The following CDH13 variants were observed in gnomAD, a reference collection of about 807,000 sequenced individuals.
The protein encoded by CDH13 is cadherin 13.
CDH13 carries 24 observed loss-of-function variants against 63.8 expected under a neutral mutation model. That is an observed-to-expected ratio of 0.38 (90% CI 0.27 to 0.53). The LOEUF is 0.53. Among genes scored for constraint, CDH13 ranks in the 20% least tolerant of loss-of-function variants. The probability of loss-of-function intolerance (pLI) is 0.85; values close to 1 mark genes in which losing one functional copy is unlikely to be tolerated. For synonymous variants in CDH13, 503 were observed against 355.3 expected (o/e 1.42, Z -4.67); for missense variants, 1,049 against 903.1 (o/e 1.16, Z -2.07).
chr16:82,929,412 C>T (rs1190056882), intron 2 of CDH13, among the ~76,000 whole-genome samples: 4 of 151,582 alleles, frequency 2.6e-5, no homozygotes, highest in Admixed American at 6.6e-5. Context: ...GAGGCTGAGG[C>T]GGGGTGGATC....
intron 10 of CDH13, among the ~76,000 whole-genome samples, chr16:83,705,003 G>A (rs1056755862): frequency 1.3e-5 from 2 of 152,270 alleles, no homozygotes; most frequent in Admixed American, 6.5e-5. Flanking sequence ...CCAAGAATAA[G>A]TTATCTCACT....
At chr16:82,666,705 C>G (rs1219450122) in intron 1 of CDH13, among the ~76,000 whole-genome samples, 1 of 152,182 alleles carries the variant, frequency 6.6e-6, no homozygotes, top group East Asian at 1.9e-4. Flanking sequence ...GTGCATATCA[C>G]AATGTAAAGG....
intron 1 of CDH13, among the ~76,000 whole-genome samples, chr16:82,641,495 C>G (rs765147510): frequency 6.6e-6 from 1 of 152,204 alleles, no homozygotes. Context: ...TAAGCACCCT[C>G]CTGCAGATAT....
intron 7 of CDH13, among the ~76,000 whole-genome samples, chr16:83,547,724 A>G (rs1031856723): frequency 6.6e-6 from 1 of 152,094 alleles, no homozygotes; most frequent in Non-Finnish European, 1.5e-5. Flanking sequence ...GTTTGCTTCC[A>G]TGTCTTTGCT....
intron 8 of CDH13, among the ~76,000 whole-genome samples, chr16:83,623,689 TA>T (rs1477730266): frequency 1.3e-5 from 2 of 152,172 alleles, no homozygotes; most frequent in Non-Finnish European, 2.9e-5. Flanking sequence ...TGGTCTATAA[TA>T]ACCACGCACT....
chr16:83,567,952 A>G (rs550172106), intron 7 of CDH13, among the ~76,000 whole-genome samples: 2 of 152,240 alleles, frequency 1.3e-5, no homozygotes, highest in Non-Finnish European at 2.9e-5. Context: ...CAAAGCCCCA[A>G]TTCATCGCAT....
chr16:82,716,925 T>C (rs1457844559), intron 1 of CDH13, among the ~76,000 whole-genome samples: 2 of 151,768 alleles, frequency 1.3e-5, no homozygotes, highest in African/African-American at 4.8e-5. Flanking sequence ...CAAGTCCCGG[T>C]GTAGAGTTTG....
At chr16:83,350,195 G>C (rs796620098) in intron 6 of CDH13, among the ~76,000 whole-genome samples, 10 of 152,246 alleles carry the variant, frequency 6.6e-5, no homozygotes, top group African/African-American at 2.4e-4. Context: ...ACAACATCAG[G>C]AGCTGGCTGT....
chr16:83,095,342 A>G (rs1389691765), intron 3 of CDH13, among the ~76,000 whole-genome samples: 1 of 152,190 alleles, frequency 6.6e-6, no homozygotes, highest in East Asian at 1.9e-4. Flanking sequence ...GTACGGACAA[A>G]AAAAGATAAA....
chr16:82,909,442 A>G (rs1266082419), intron 2 of CDH13, among the ~76,000 whole-genome samples: 2 of 152,206 alleles, frequency 1.3e-5, no homozygotes, highest in African/African-American at 4.8e-5. Flanking sequence ...GTTTTTAACT[A>G]TTCTTTGGTA....
chr16:82,648,880 G>A (rs1910408840), intron 1 of CDH13, among the ~76,000 whole-genome samples: 1 of 152,210 alleles, frequency 6.6e-6, no homozygotes, highest in African/African-American at 2.4e-5. Flanking sequence ...GTGGAAGATG[G>A]ATTGAATCAG....
At chr16:83,705,236 T>C (rs1906838563) in intron 10 of CDH13, among the ~76,000 whole-genome samples, 1 of 152,226 alleles carries the variant, frequency 6.6e-6, no homozygotes, top group Admixed American at 6.5e-5. Flanking sequence ...TCATACAAAA[T>C]GTCATGCTCT....
chr16:83,045,753 C>T (rs990302240), intron 3 of CDH13, among the ~76,000 whole-genome samples: 1 of 151,458 alleles, frequency 6.6e-6, no homozygotes, highest in Non-Finnish European at 1.5e-5. Flanking sequence ...ATTTGATTCT[C>T]TGTTCTCAAC....
At chr16:83,400,376 C>G (rs1253007270) in intron 6 of CDH13, among the ~76,000 whole-genome samples, 1 of 152,162 alleles carries the variant, frequency 6.6e-6, no homozygotes, top group East Asian at 1.9e-4. Flanking sequence ...AGCTCTTGCA[C>G]AGTAGCCTAT....
At chr16:83,618,544 A>T (rs1909506801) in intron 8 of CDH13, among the ~76,000 whole-genome samples, 2 of 152,166 alleles carry the variant, frequency 1.3e-5, no homozygotes, top group South Asian at 4.1e-4. Flanking sequence ...GTGGCACAAA[A>T]TGCTGCTGCC....
intron 1 of CDH13, among the ~76,000 whole-genome samples, chr16:82,854,941 C>G (rs1597808293): frequency 1.3e-5 from 2 of 152,324 alleles, no homozygotes; most frequent in East Asian, 1.9e-4. Context: ...AAAGTCCTCA[C>G]TGAATCCCAG....
chr16:83,572,847 A>G (rs1487469035), intron 7 of CDH13, among the ~76,000 whole-genome samples: 1 of 152,210 alleles, frequency 6.6e-6, no homozygotes, highest in African/African-American at 2.4e-5. Flanking sequence ...GATGCATTTA[A>G]AATTTAAATG....
chr16:83,197,274 T>C (rs2038903302), intron 4 of CDH13, among the ~76,000 whole-genome samples: 1 of 110,458 alleles, frequency 9.1e-6, no homozygotes, highest in East Asian at 2.1e-4. Flanking sequence ...ATCATAGGTA[T>C]ATATATATAT....
intron 3 of CDH13, among the ~76,000 whole-genome samples, chr16:83,114,126 GA>G (rs2035191166): frequency 6.6e-6 from 1 of 152,164 alleles, no homozygotes; most frequent in African/African-American, 2.4e-5. Context: ...TCTACTAATA[GA>G]AATGACTGAG....
Sources: gnomAD v4.1 joint callset for allele counts (sites outside exome capture counted in the v4.1 genomes callset) on GRCh38, gnomAD v4.1.1 for gene constraint, MANE v1.5 for transcripts, NCBI Gene and HGNC (gene_info 2026-07-23, HGNC 2026-07-21) for gene names.